DUSP16: variants seen among roughly 807,000 people sequenced by gnomAD.
DUSP16 encodes the protein dual specificity phosphatase 16.
Under a neutral mutation model 58.3 loss-of-function variants are expected in DUSP16, and 21 were observed. That is an observed-to-expected ratio of 0.36 (90% CI 0.26 to 0.52). DUSP16 has a LOEUF of 0.52. Ranked by LOEUF, DUSP16 falls within the 20% of genes least tolerant of loss-of-function variation. The probability of loss-of-function intolerance (pLI) is 0.94; values close to 1 mark genes in which losing one functional copy is unlikely to be tolerated. For synonymous variants in DUSP16, 320 were observed against 323.8 expected (o/e 0.99, Z 0.12); for missense variants, 726 against 819.0 (o/e 0.89, Z 1.39).
At chr12:12,491,627 CT>C (rs879740552) in intron 4 of DUSP16, 15 of 152,174 alleles carry the variant, frequency 9.9e-5, no homozygotes, top group African/African-American at 2.9e-4. Flanking sequence ...TTTAGCTCAA[CT>C]TTGTGCTAAG....
At chr12:12,488,995 G>A (rs150945574) in intron 4 of DUSP16, among the ~76,000 whole-genome samples, 2,002 of 152,246 alleles carry the variant, frequency 0.013, 52 homozygotes, top group African/African-American at 0.045. Flanking sequence ...CAGAAGAATC[G>A]CTTGAACTCA....
At chr12:12,491,894 G>A (rs141476081) in intron 4 of DUSP16, among the ~76,000 whole-genome samples, 1 of 152,174 alleles carries the variant, frequency 6.6e-6, no homozygotes, top group African/African-American at 2.4e-5. Flanking sequence ...CCCTGCAGGA[G>A]GACCTACAGT....
chr12:12,540,074 T>C (rs182435547), intron 1 of DUSP16, among the ~76,000 whole-genome samples: 219 of 144,066 alleles, frequency 1.5e-3, no homozygotes, highest in African/African-American at 4.8e-3. Flanking sequence ...AAAAAGAAAA[T>C]GAGACCAGGA....
rs577147737 is a variant in DUSP16 at position 12,475,397 on chromosome 12, T to G, written c.*1436A>C. The G allele has an allele frequency of 2.0e-5, 3 of 152,338 alleles. No individual in the cohort carries two copies. The highest frequency in any genetic ancestry group is 3.9e-4 in the East Asian group (2 of 5,190). The allele number at this position is 152,338 out of a possible 1,614,324, so 9.4% of individuals were successfully genotyped here. A position where few individuals can be genotyped will look rare whatever the true frequency, so the allele number is the denominator to read the frequency against. On this transcript the variant is annotated 3_prime_UTR_variant, in exon 7 of 7. Coordinates refer to ENST00000298573, the MANE Select transcript of DUSP16 (RefSeq NM_030640.3). Reference sequence around the variant, plus strand: ...CAGGACCGATTCCATACAGTGATTGTAGGTTGAGGACTGAGGACGCCCCTT... The same window carrying G: ...CAGGACCGATTCCATACAGTGATTGGAGGTTGAGGACTGAGGACGCCCCTT...
intron 1 of DUSP16, among the ~76,000 whole-genome samples, chr12:12,540,521 T>C (rs529070612): frequency 4.6e-4 from 70 of 152,348 alleles, no homozygotes; most frequent in African/African-American, 1.3e-3. Context: ...ACATCTATAC[T>C]GTGCAAGGCT....
At chr12:12,523,831 C>G (rs1366058724) in intron 1 of DUSP16, among the ~76,000 whole-genome samples, 1 of 152,198 alleles carries the variant, frequency 6.6e-6, no homozygotes, top group Non-Finnish European at 1.5e-5. Context: ...CCTGTTTTCC[C>G]TAAGTACTTG....
intron 1 of DUSP16, among the ~76,000 whole-genome samples, chr12:12,544,376 G>T (rs1944608491): frequency 6.6e-6 from 1 of 152,130 alleles, no homozygotes; most frequent in Non-Finnish European, 1.5e-5. Flanking sequence ...GGACATGTGG[G>T]TTGTTTCCAG....
chr12:12,524,067 A>G (rs965605835), intron 1 of DUSP16, among the ~76,000 whole-genome samples: 5 of 152,270 alleles, frequency 3.3e-5, no homozygotes, highest in Admixed American at 6.5e-5. Context: ...GTCAGCAAAC[A>G]TGCAAAAGTT....
intron 3 of DUSP16, among the ~76,000 whole-genome samples, chr12:12,501,953 G>A (rs951932668): frequency 1.3e-5 from 2 of 152,172 alleles, no homozygotes; most frequent in Admixed American, 1.3e-4. Flanking sequence ...TTGCGCCACT[G>A]CACTCCAGCC....
intron 1 of DUSP16, among the ~76,000 whole-genome samples, chr12:12,546,979 A>G (rs1262558562): frequency 2.0e-5 from 3 of 152,214 alleles, no homozygotes; most frequent in Non-Finnish European, 2.9e-5. Context: ...CTTACCTTTA[A>G]TTAACATCAT....
At chr12:12,543,391 G>T (rs976479510) in intron 1 of DUSP16, among the ~76,000 whole-genome samples, 3 of 151,936 alleles carry the variant, frequency 2.0e-5, no homozygotes, top group African/African-American at 7.3e-5. Flanking sequence ...AAGCAAAGGG[G>T]GCAAACTGGT....
intron 1 of DUSP16, chr12:12,561,068 C>A (rs1179860680): frequency 1.3e-5 from 2 of 151,698 alleles, no homozygotes; most frequent in Non-Finnish European, 2.9e-5. Context: ...TACTTATAAT[C>A]TTTTAAAACA....
intron 1 of DUSP16, among the ~76,000 whole-genome samples, chr12:12,533,006 C>T (rs1477963523): frequency 6.7e-6 from 1 of 150,264 alleles, no homozygotes; most frequent in East Asian, 1.9e-4. Context: ...TTAATGTTTA[C>T]CCTCAAGGTA....
intron 1 of DUSP16, among the ~76,000 whole-genome samples, chr12:12,546,071 A>G (rs1395817965): frequency 6.6e-6 from 1 of 152,230 alleles, no homozygotes; most frequent in Non-Finnish European, 1.5e-5. Context: ...CACTATAAAA[A>G]TAAGTTATAT....
intron 3 of DUSP16, among the ~76,000 whole-genome samples, chr12:12,500,904 T>C (rs575794754): frequency 2.7e-4 from 41 of 152,294 alleles, no homozygotes; most frequent in African/African-American, 9.9e-4. Flanking sequence ...AAGGCACTTA[T>C]AATGAATGAC....
In DUSP16 at chr12:12,473,290, C is replaced by T. The variant is rs1000539854; in HGVS notation, c.*3543G>A. ...CCCAGCCTCCCCTCTTAGTTTAATT[C>T]CTGGTCTAATTGTAGTTGTCACATC... On this transcript the variant is annotated 3_prime_UTR_variant, in exon 7 of 7. Coordinates refer to ENST00000298573, the MANE Select transcript of DUSP16 (RefSeq NM_030640.3). Among the ~76,000 whole-genome samples, 7 of 152,122 alleles carry T rather than the reference C, an allele frequency of 4.6e-5. No homozygotes were observed. The highest frequency in any genetic ancestry group is 7.4e-5 in the Non-Finnish European group (5 of 68,024).
At chr12:12,556,342 G>C (rs950249133) in intron 1 of DUSP16, among the ~76,000 whole-genome samples, 2 of 152,112 alleles carry the variant, frequency 1.3e-5, no homozygotes, top group African/African-American at 4.8e-5. Flanking sequence ...AAGACTGCTT[G>C]AAGCCAGGAG....
At chr12:12,519,037 G>A (rs763013954) in intron 3 of DUSP16, among the ~76,000 whole-genome samples, 2 of 152,168 alleles carry the variant, frequency 1.3e-5, no homozygotes, top group African/African-American at 2.4e-5. Context: ...AGCTGAATCC[G>A]CCCAACACAG....
intron 2 of DUSP16, 64 bp downstream of exon 2, chr12:12,520,807 A>G (rs1373132464): frequency 1.3e-6 from 2 of 1,567,006 alleles, no homozygotes; most frequent in Admixed American, 1.8e-5. Context: ...GGAGGCTTCA[A>G]TTAAAATTAT....
Sources: allele counts gnomAD v4.1 joint callset (sites outside exome capture counted in the v4.1 genomes callset), GRCh38; gene constraint gnomAD v4.1.1; transcripts MANE v1.5; gene names NCBI Gene and HGNC (gene_info 2026-07-23, HGNC 2026-07-21).